GPC5: variants seen among roughly 807,000 people sequenced by gnomAD.
The protein encoded by GPC5 is glypican-5.
A neutral mutation model predicts 53.9 loss-of-function variants in GPC5; 47 were observed. The ratio of observed to expected loss-of-function variants is 0.87; its 90% CI spans 0.69 to 1.11. The LOEUF (loss-of-function observed/expected upper bound fraction) is 1.11. GPC5 is among the 50% of genes most tolerant of loss of function. The pLI is 0.00. For missense variants in GPC5, 748 were observed against 713.1 expected (o/e 1.05, Z -0.56); for synonymous variants, 286 against 263.3 (o/e 1.09, Z -0.84).
intron 6 of GPC5, among the ~76,000 whole-genome samples, chr13:92,088,161 C>T (rs1385759223): frequency 2.0e-5 from 3 of 152,138 alleles, no homozygotes; most frequent in African/African-American, 7.2e-5. Context: ...CCCACTCATG[C>T]ATCAACCCAA....
At chr13:91,532,676 C>A (rs542799951) in intron 2 of GPC5, among the ~76,000 whole-genome samples, 2 of 151,856 alleles carry the variant, frequency 1.3e-5, no homozygotes, top group Non-Finnish European at 2.9e-5. Flanking sequence ...GACCAGCCTG[C>A]GCAACATGCT....
chr13:92,783,065 TTA>T (rs1876090239), intron 7 of GPC5, among the ~76,000 whole-genome samples: 1 of 152,230 alleles, frequency 6.6e-6, no homozygotes, highest in Admixed American at 6.5e-5. Context: ...AGTTTAAATA[TTA>T]GCTACCATTT....
At chr13:92,046,945 A>C (rs370407169) in intron 6 of GPC5, among the ~76,000 whole-genome samples, 16 of 152,222 alleles carry the variant, frequency 1.1e-4, no homozygotes, top group African/African-American at 3.6e-4. Context: ...AAATATTTAC[A>C]AGTAATATTC....
chr13:91,960,540 T>C (rs1304106830), intron 6 of GPC5, among the ~76,000 whole-genome samples: 1 of 151,996 alleles, frequency 6.6e-6, no homozygotes, highest in African/African-American at 2.4e-5. Context: ...AATTTCATTT[T>C]ACATAGAAAT....
At chr13:91,851,747 G>A (rs1472601416) in intron 5 of GPC5, among the ~76,000 whole-genome samples, 6 of 139,530 alleles carry the variant, frequency 4.3e-5, no homozygotes, top group East Asian at 2.3e-4. Flanking sequence ...GAGAATATGC[G>A]GTGTTTGGTT....
chr13:91,482,615 A>G (rs906661246), intron 2 of GPC5, among the ~76,000 whole-genome samples: 5 of 152,218 alleles, frequency 3.3e-5, no homozygotes, highest in African/African-American at 1.2e-4. Flanking sequence ...AATTGTGTGC[A>G]CATTAAAGCA....
At chr13:91,751,448 A>G (rs960613482) in intron 4 of GPC5, among the ~76,000 whole-genome samples, 1 of 152,244 alleles carries the variant, frequency 6.6e-6, no homozygotes, top group Non-Finnish European at 1.5e-5. Context: ...GCCATTTCAG[A>G]TCAGCAGCCA....
intron 7 of GPC5, among the ~76,000 whole-genome samples, chr13:92,226,397 T>C (rs1210384861): frequency 1.3e-5 from 2 of 152,162 alleles, no homozygotes; most frequent in African/African-American, 4.8e-5. Flanking sequence ...GAGATTCTTC[T>C]TTATATGGTT....
chr13:92,220,709 A>G (rs1330706203), intron 7 of GPC5, among the ~76,000 whole-genome samples: 1 of 152,190 alleles, frequency 6.6e-6, no homozygotes, highest in African/African-American at 2.4e-5. Flanking sequence ...AAGGAAGTTT[A>G]TTCAACTTCT....
chr13:91,810,065 A>T (rs546564584), intron 5 of GPC5, among the ~76,000 whole-genome samples: 4 of 151,786 alleles, frequency 2.6e-5, no homozygotes, highest in African/African-American at 4.8e-5. Context: ...AGGAAATCAT[A>T]TTTTTTTTAA....
intron 3 of GPC5, among the ~76,000 whole-genome samples, chr13:91,712,835 A>C (rs1158278977): frequency 6.6e-6 from 1 of 151,926 alleles, no homozygotes; most frequent in Non-Finnish European, 1.5e-5. Flanking sequence ...AGAATTATTA[A>C]GCCTGTTGAA....
At chr13:92,236,707 C>T (rs1054077303) in intron 7 of GPC5, among the ~76,000 whole-genome samples, 7 of 151,938 alleles carry the variant, frequency 4.6e-5, no homozygotes, top group Non-Finnish European at 1.0e-4. Context: ...CATATCATCA[C>T]GAATTAATAA....
intron 5 of GPC5, among the ~76,000 whole-genome samples, chr13:91,784,020 A>G (rs769559964): frequency 6.6e-6 from 1 of 152,346 alleles, no homozygotes; most frequent in African/African-American, 2.4e-5. Flanking sequence ...TAGTGTGGAT[A>G]TAATTTTTAG....
chr13:91,573,933 T>C (rs2032039262), intron 2 of GPC5, among the ~76,000 whole-genome samples: 1 of 152,196 alleles, frequency 6.6e-6, no homozygotes, highest in Non-Finnish European at 1.5e-5. Flanking sequence ...TCTATGTCTA[T>C]ACCTGTATCT....
At chr13:91,986,161 G>A (rs975397030) in intron 6 of GPC5, among the ~76,000 whole-genome samples, 1 of 137,838 alleles carries the variant, frequency 7.3e-6, no homozygotes, top group Non-Finnish European at 1.5e-5. Context: ...CGCCTCCCAG[G>A]TTCATACCAT....
At chr13:92,424,578 A>G (rs915647117) in intron 7 of GPC5, among the ~76,000 whole-genome samples, 4 of 152,058 alleles carry the variant, frequency 2.6e-5, no homozygotes, top group Non-Finnish European at 5.9e-5. Context: ...AGAAGAAAGC[A>G]CACAGATATA....
chr13:92,045,787 A>C (rs1243223830), intron 6 of GPC5, among the ~76,000 whole-genome samples: 1 of 152,190 alleles, frequency 6.6e-6, no homozygotes, highest in East Asian at 1.9e-4. Context: ...AGAAGGCTTC[A>C]CGGAGGTAGA....
At chr13:91,505,452 C>T (rs976497146) in intron 2 of GPC5, among the ~76,000 whole-genome samples, 5 of 152,126 alleles carry the variant, frequency 3.3e-5, no homozygotes, top group African/African-American at 1.2e-4. Context: ...TTCTGTAAAC[C>T]CACAGGCTGG....
chr13:91,410,615 G>T (rs1345774041), intron 1 of GPC5, among the ~76,000 whole-genome samples: 6 of 151,736 alleles, frequency 4.0e-5, no homozygotes, highest in African/African-American at 1.5e-4. Flanking sequence ...CAAAGAGCTG[G>T]GATTACAGGC....
Sources: gnomAD v4.1 joint callset for allele counts (sites outside exome capture counted in the v4.1 genomes callset) on GRCh38, gnomAD v4.1.1 for gene constraint, MANE v1.5 for transcripts, NCBI Gene and HGNC (gene_info 2026-07-23, HGNC 2026-07-21) for gene names.